The following EMB variants were observed in gnomAD, a reference collection of about 807,000 sequenced individuals.
EMB encodes the protein embigin, also known as embigin homolog.
EMB carries 31 observed loss-of-function variants against 41.4 expected under a neutral mutation model. The ratio of observed to expected loss-of-function variants is 0.75; its 90% CI spans 0.56 to 1.01. The LOEUF is 1.01. Ranked by LOEUF, EMB falls within the 50% of genes least tolerant of loss-of-function variation. EMB has a pLI of 0.00. For missense variants in EMB, 379 were observed against 388.3 expected (o/e 0.98, Z 0.20); for synonymous variants, 137 against 140.4 (o/e 0.98, Z 0.17).
chr5:50,419,926 G>A (rs1396676642), intron 2 of EMB, among the ~76,000 whole-genome samples: 1 of 152,074 alleles, frequency 6.6e-6, no homozygotes, highest in Non-Finnish European at 1.5e-5. Flanking sequence ...AACTAACACA[G>A]GAACAGAAAA....
Position 50,411,394 on chromosome 5 carries a change from A to G in EMB, c.197-11T>C, listed in dbSNP as rs759915896. Reference sequence around the variant, plus strand: ...GCATACTAGAATGTTCTATTAGCACAAAAGAGGACAAAATGTGAAAGTTAT... The same window carrying G: ...GCATACTAGAATGTTCTATTAGCACGAAAGAGGACAAAATGTGAAAGTTAT... On this transcript the variant is annotated splice_polypyrimidine_tract_variant and intron_variant, in intron 2 of 8. Coordinates refer to ENST00000303221, the MANE Select transcript of EMB (RefSeq NM_198449.3). 4.5e-6 allele frequency: 7 copies of G among 1,544,990 alleles called. No individual in the cohort carries two copies. In the South Asian group the frequency reaches 7.5e-5, roughly 16 times the overall value.
intron 2 of EMB, among the ~76,000 whole-genome samples, chr5:50,419,685 G>T (rs1745486456): frequency 6.6e-6 from 1 of 152,030 alleles, no homozygotes; most frequent in Admixed American, 6.6e-5. Flanking sequence ...CCCCATCATG[G>T]TTGCATCACA....
At chr5:50,404,264 C>G (rs772986293) in intron 5 of EMB, among the ~76,000 whole-genome samples, 1 of 151,956 alleles carries the variant, frequency 6.6e-6, no homozygotes, top group Non-Finnish European at 1.5e-5. Context: ...GAATAATTAT[C>G]TGTGAGTATA....
chr5:50,442,206 T>TAA (rs35569107), upstream of EMB, among the ~76,000 whole-genome samples: 17 of 148,094 alleles, frequency 1.1e-4, no homozygotes, highest in South Asian at 2.1e-4. Context: ...ATATCGGCGT[T>TAA]AAAAAAAAAA....
chr5:50,412,307 G>C (rs1745354318), intron 2 of EMB, among the ~76,000 whole-genome samples: 2 of 151,332 alleles, frequency 1.3e-5, no homozygotes, highest in African/African-American at 4.9e-5. Context: ...AATATGCCTG[G>C]ATAGCATACA....
intron 4 of EMB, among the ~76,000 whole-genome samples, chr5:50,407,932 T>C (rs544319293): frequency 2.6e-5 from 4 of 152,086 alleles, no homozygotes; most frequent in African/African-American, 9.6e-5. Flanking sequence ...TGTATATTCA[T>C]GAACTAGAAC....
At position 50,396,985 on chromosome 5, in the gene EMB, G is replaced by A. The variant is rs1745076758; in HGVS notation, c.*2288C>T. The A allele has an allele frequency of 6.6e-6, 1 of 152,036 alleles. No individual in the cohort carries two copies. Among genetic ancestry groups the A allele is most frequent in the Admixed American group, 6.6e-5 (1 of 15,240 alleles). The allele number at this position is 152,036 out of a possible 1,614,324, so 9.4% of individuals were successfully genotyped here. ...GGATAATAACAAAAAGACTGCAAAA[G>A]GAGAAGATTTACACTTTGGCAAAAA... On this transcript the variant is annotated 3_prime_UTR_variant, in exon 9 of 9. Transcript: ENST00000303221.
Position 50,402,876 on chromosome 5 carries a change from C to CAAA in EMB, c.877+299_877+301dup, listed in dbSNP as rs564451334. Among the ~76,000 whole-genome samples, 325 of 53,736 alleles carry CAAA rather than the reference C, an allele frequency of 6.0e-3. 1 individual carries two copies. The highest frequency in any genetic ancestry group is 9.5e-3 in the East Asian group (13 of 1,368). The allele number at this position is 53,736 out of a possible 152,430, so 35.3% of individuals were successfully genotyped here. On this transcript the variant is annotated intron_variant, in intron 6 of 8. Coordinates refer to ENST00000303221, the MANE Select transcript of EMB (RefSeq NM_198449.3). The stretch of plus-strand genomic sequence containing the variant: ...ATTGGTACTTAGGTACCAGTAGCAC[C>CAAA]AAAAAAAAAAAAAAAAAAAAAAAGA...
At chr5:50,435,827 G>T (rs1373156827) in intron 1 of EMB, among the ~76,000 whole-genome samples, 1 of 151,806 alleles carries the variant, frequency 6.6e-6, no homozygotes, top group Non-Finnish European at 1.5e-5. Context: ...TTATTAAATG[G>T]GTTACAATCC....
chr5:50,406,085 T>C (rs1745244348), intron 4 of EMB, among the ~76,000 whole-genome samples: 2 of 151,920 alleles, frequency 1.3e-5, no homozygotes, highest in Non-Finnish European at 2.9e-5. Flanking sequence ...TCTTCTATTA[T>C]TGAGCCTAAC....
At chr5:50,428,880 ATTTATTTTTATT>A (rs1194386847) in intron 1 of EMB, among the ~76,000 whole-genome samples, 2 of 151,294 alleles carry the variant, frequency 1.3e-5, no homozygotes, top group Non-Finnish European at 2.9e-5. Flanking sequence ...TATTTATTTT[ATTTATTTTTATT>A]TTTATTTTTA....
chr5:50,424,598 C>G (rs1049677967), intron 2 of EMB, among the ~76,000 whole-genome samples: 7 of 152,066 alleles, frequency 4.6e-5, no homozygotes, highest in Non-Finnish European at 8.8e-5. Context: ...CATGTGTATT[C>G]CCAAGATAAG....
rs1745794029 is a variant in EMB at position 50,435,770 on chromosome 5, T to C, written c.112+5270A>G. On this transcript the variant is annotated intron_variant, in intron 1 of 8. Transcript: ENST00000303221. ...CTTTGTACCCCATCAAAGTTTTCAT[T>C]GATTTATTTTTTAATTTGCTTCAGT... is the stretch of plus-strand genomic sequence containing the variant. Among the ~76,000 whole-genome samples, 4 of 152,198 alleles carry C rather than the reference T, an allele frequency of 2.6e-5. No homozygotes were observed. In the South Asian group the frequency reaches 8.3e-4, roughly 31 times the overall value.
intron 1 of EMB, among the ~76,000 whole-genome samples, chr5:50,433,983 C>T (rs746034250): frequency 1.4e-4 from 22 of 152,180 alleles, no homozygotes; most frequent in Admixed American, 1.3e-4. Context: ...GTATATGTCT[C>T]TGTCTCTGTT....
At chr5:50,401,233 T>C (rs1467730582) in intron 7 of EMB, among the ~76,000 whole-genome samples, 1 of 152,036 alleles carries the variant, frequency 6.6e-6, no homozygotes, top group African/African-American at 2.4e-5. Context: ...AGTTATTTTG[T>C]GCCCTTAACT....
At chr5:50,411,598 T>TA (rs1197497428) in intron 2 of EMB, 43 of 381,776 alleles carry the variant, frequency 1.1e-4, no homozygotes, top group Admixed American at 2.1e-4. Context: ...TTAACACAAT[T>TA]AAAAAAAACC....
intron 1 of EMB, among the ~76,000 whole-genome samples, chr5:50,433,281 A>T (rs1745752744): frequency 6.6e-6 from 1 of 152,020 alleles, no homozygotes; most frequent in African/African-American, 2.4e-5. Context: ...GCACACTTTT[A>T]CCAGTCTTGT....
At chr5:50,442,811 A>C (rs1745936412), upstream of EMB, 1 of 152,174 alleles carries the variant, frequency 6.6e-6, no homozygotes, top group South Asian at 2.1e-4. Context: ...TGTCAACAGT[A>C]AGCACTTCTC....
At chr5:50,414,528 CAAAAAAAA>C (rs34645448) in intron 2 of EMB, among the ~76,000 whole-genome samples, 9 of 46,706 alleles carry the variant, frequency 1.9e-4, no homozygotes, top group South Asian at 1.1e-3. Context: ...CTGTCTCAGG[CAAAAAAAA>C]AAAAAAAAAA....
Sources: gnomAD v4.1 joint callset for allele counts (sites outside exome capture counted in the v4.1 genomes callset) on GRCh38, gnomAD v4.1.1 for gene constraint, MANE v1.5 for transcripts, NCBI Gene and HGNC (gene_info 2026-07-23, HGNC 2026-07-21) for gene names.